The following PID1 variants were observed in gnomAD, a reference collection of about 807,000 sequenced individuals.
PID1 encodes PTB-containing, cubilin and LRP1-interacting protein.
A neutral mutation model predicts 19.1 loss-of-function variants in PID1; 10 were observed. That is an observed-to-expected ratio of 0.52 (90% CI 0.32 to 0.89). The LOEUF is 0.89. Among genes scored for constraint, PID1 ranks in the 40% least tolerant of loss-of-function variants. PID1 has a pLI of 0.03. For synonymous variants in PID1, 130 were observed against 116.0 expected (o/e 1.12, Z -0.78); for missense variants, 248 against 285.3 (o/e 0.87, Z 0.94).
At chr2:229,107,796 T>C (rs1246768696) in intron 2 of PID1, among the ~76,000 whole-genome samples, 1 of 152,210 alleles carries the variant, frequency 6.6e-6, no homozygotes, top group Non-Finnish European at 1.5e-5. Flanking sequence ...AACGGCAGCA[T>C]TGGCATCCCC....
At chr2:229,159,982 A>T (rs1324493884) in intron 1 of PID1, among the ~76,000 whole-genome samples, 1 of 152,116 alleles carries the variant, frequency 6.6e-6, no homozygotes, top group Non-Finnish European at 1.5e-5. Flanking sequence ...TGGGAAAGAA[A>T]TTGGGGCCAA....
chr2:229,259,366 G>T (rs1690396860), intron 1 of PID1, among the ~76,000 whole-genome samples: 1 of 151,906 alleles, frequency 6.6e-6, no homozygotes, highest in Admixed American at 6.6e-5. Context: ...TTTTAATTTT[G>T]ATAAAGTCCA....
intron 1 of PID1, among the ~76,000 whole-genome samples, chr2:229,182,348 T>C (rs1690963903): frequency 6.6e-6 from 1 of 152,146 alleles, no homozygotes; most frequent in African/African-American, 2.4e-5. Context: ...TTTCTATGCC[T>C]TCCACCTCAA....
intron 1 of PID1, among the ~76,000 whole-genome samples, chr2:229,249,752 G>A (rs570797539): frequency 6.6e-6 from 1 of 152,192 alleles, no homozygotes; most frequent in South Asian, 2.1e-4. Context: ...CAACTGCTAT[G>A]ACAGGAGTAT....
intron 1 of PID1, among the ~76,000 whole-genome samples, chr2:229,161,033 C>A (rs1430343109): frequency 1.3e-5 from 2 of 152,226 alleles, no homozygotes; most frequent in African/African-American, 4.8e-5. Flanking sequence ...TCCTTGCCCC[C>A]AACACTGAAT....
chr2:229,040,742 CT>C (rs1358237604), intron 2 of PID1, among the ~76,000 whole-genome samples: 12 of 152,156 alleles, frequency 7.9e-5, no homozygotes, highest in Non-Finnish European at 1.5e-4. Flanking sequence ...ACAATATTCC[CT>C]CTGGCTAAAG....
At chr2:229,193,771 G>A (rs564682741) in intron 1 of PID1, among the ~76,000 whole-genome samples, 10 of 149,396 alleles carry the variant, frequency 6.7e-5, no homozygotes, top group East Asian at 2.0e-4. Flanking sequence ...AAATTATATC[G>A]TAGCCTTATT....
At chr2:229,270,643 CAAAAAAA>C (rs368188721) in intron 1 of PID1, among the ~76,000 whole-genome samples, 2 of 116,398 alleles carry the variant, frequency 1.7e-5, no homozygotes, top group African/African-American at 3.4e-5. Context: ...CTGGTGACCA[CAAAAAAA>C]AAAAAAAAAA....
At chr2:229,223,282 C>G (rs559625738) in intron 1 of PID1, among the ~76,000 whole-genome samples, 1 of 152,154 alleles carries the variant, frequency 6.6e-6, no homozygotes, top group Non-Finnish European at 1.5e-5. Flanking sequence ...AATGCTATCT[C>G]ATCATTATTT....
At position 229,184,020 on chromosome 2, in the gene PID1, GTATATATCCCATA is replaced by G. The variant is rs1559273735; in HGVS notation, c.31-28069_31-28057del. On this transcript the variant is annotated intron_variant, in intron 1 of 2. Transcript: ENST00000392055. ...TCCCATATATATATCCCATATGTAT[GTATATATCCCATA>G]TATATATCCCATATATATATCCCAT... is the stretch of plus-strand genomic sequence containing the variant. 1.6e-3 allele frequency among the ~76,000 whole-genome samples: 15 copies of G among 9,660 alleles called. 6 individuals are homozygous for G. The highest frequency in any genetic ancestry group is 4.6e-3 in the East Asian group (2 of 438). The allele number at this position is 9,660 out of a possible 152,430, so 6.3% of individuals were successfully genotyped here.
intron 1 of PID1, among the ~76,000 whole-genome samples, chr2:229,239,102 A>G (rs1057396227): frequency 6.6e-6 from 1 of 152,142 alleles, no homozygotes; most frequent in African/African-American, 2.4e-5. Context: ...TTTTCTTACT[A>G]TAGAGAACAA....
intron 2 of PID1, among the ~76,000 whole-genome samples, chr2:229,092,956 A>G (rs978771339): frequency 6.6e-6 from 1 of 152,038 alleles, no homozygotes; most frequent in African/African-American, 2.4e-5. Context: ...AATCCCAGCA[A>G]TTGACTCCAC....
At chr2:229,202,528 G>A (rs1329556257) in intron 1 of PID1, among the ~76,000 whole-genome samples, 1 of 151,968 alleles carries the variant, frequency 6.6e-6, no homozygotes, top group Non-Finnish European at 1.5e-5. Flanking sequence ...TACTGGGATG[G>A]CTAACTGAAA....
chr2:229,270,978 C>T, intron 1 of PID1, 36 bp downstream of exon 1: 1 of 1,443,170 alleles, frequency 6.9e-7, no homozygotes, highest in Non-Finnish European at 9.1e-7. Flanking sequence ...GCACCTCCTC[C>T]TCCAGGCTGG....
intron 2 of PID1, among the ~76,000 whole-genome samples, chr2:229,093,434 G>A (rs1028509567): frequency 3.3e-5 from 5 of 151,554 alleles, no homozygotes; most frequent in African/African-American, 1.2e-4. Context: ...CCCTTTTCTG[G>A]TCTTTCCTCT....
chr2:229,163,637 G>C (rs1690533726), intron 1 of PID1, among the ~76,000 whole-genome samples: 1 of 113,410 alleles, frequency 8.8e-6, no homozygotes, highest in African/African-American at 3.1e-5. Flanking sequence ...GAGAGACAGA[G>C]GGAGAGAGAG....
intron 2 of PID1, among the ~76,000 whole-genome samples, chr2:229,073,483 G>T (rs1264460583): frequency 6.6e-6 from 1 of 152,190 alleles, no homozygotes; most frequent in Non-Finnish European, 1.5e-5. Context: ...TTCTAGAGGA[G>T]TTGGGAGAAA....
chr2:229,047,963 T>C lies in PID1; in HGVS notation c.178-21855A>G, dbSNP rs141582243. ...AAAAAGAAAAGCAGGAGAGTCTGCA[T>C]AGTAAGACTGCTGACGTGAAGAAAC... On this transcript the variant is annotated intron_variant, in intron 2 of 2. Coordinates refer to ENST00000392055, the MANE Select transcript of PID1 (RefSeq NM_001100818.2). Among the ~76,000 whole-genome samples the C allele has an allele frequency of 1.0e-3, 154 of 152,342 alleles. 1 individual carries two copies. The highest frequency in any genetic ancestry group is 3.5e-3 in the African/African-American group (144 of 41,588).
intron 2 of PID1, among the ~76,000 whole-genome samples, chr2:229,054,251 C>A (rs1694051150): frequency 1.3e-5 from 2 of 152,128 alleles, no homozygotes. Context: ...GCAGAATAAC[C>A]TTTTCAACAA....
Sources: allele counts gnomAD v4.1 joint callset (sites outside exome capture counted in the v4.1 genomes callset), GRCh38; gene constraint gnomAD v4.1.1; transcripts MANE v1.5; gene names NCBI Gene and HGNC (gene_info 2026-07-23, HGNC 2026-07-21).